NRXN1: variants seen among roughly 807,000 people sequenced by gnomAD.
The protein encoded by NRXN1 is neurexin 1.
Under a neutral mutation model 150.9 loss-of-function variants are expected in NRXN1, and 39 were observed. The ratio of observed to expected loss-of-function variants is 0.26; its 90% CI spans 0.20 to 0.34. The LOEUF is 0.34. Ranked by LOEUF, NRXN1 falls within the 10% of genes least tolerant of loss-of-function variation. The probability of loss-of-function intolerance (pLI) is 1.00; values close to 1 mark genes in which losing one functional copy is unlikely to be tolerated. For synonymous variants in NRXN1, 924 were observed against 757.0 expected (o/e 1.22, Z -3.62); for missense variants, 1,815 against 1,949.9 (o/e 0.93, Z 1.30).
chr2:50,829,166 C>G (rs546533374), intron 5 of NRXN1, among the ~76,000 whole-genome samples: 32 of 151,958 alleles, frequency 2.1e-4, no homozygotes, highest in Admixed American at 2.1e-3. Flanking sequence ...TGCAGTGAGC[C>G]GAGATGGCAG....
chr2:50,320,312 A>ATATATATATATATATATATGTG (rs1558519091), intron 17 of NRXN1, among the ~76,000 whole-genome samples: 2 of 125,372 alleles, frequency 1.6e-5, no homozygotes, highest in African/African-American at 6.3e-5. Context: ...ATATATATAT[A>ATATATATATATATATATATGTG]TATATATATA....
At chr2:50,445,201 A>G (rs1263650386) in intron 17 of NRXN1, among the ~76,000 whole-genome samples, 1 of 152,182 alleles carries the variant, frequency 6.6e-6, no homozygotes, top group African/African-American at 2.4e-5. Flanking sequence ...CATAACCAAA[A>G]CAACCACTGC....
intron 22 of NRXN1, among the ~76,000 whole-genome samples, chr2:49,937,789 C>T (rs1337615280): frequency 3.9e-5 from 6 of 152,114 alleles, no homozygotes; most frequent in African/African-American, 1.4e-4. Flanking sequence ...ATTAAAGTCA[C>T]TTTTGAATAA....
intron 17 of NRXN1, among the ~76,000 whole-genome samples, chr2:50,252,799 G>A (rs1279507835): frequency 6.6e-6 from 1 of 151,842 alleles, no homozygotes; most frequent in Non-Finnish European, 1.5e-5. Context: ...GTGCCATGCT[G>A]TTTGGTTACT....
At chr2:50,132,218 C>T (rs575308272) in intron 18 of NRXN1, among the ~76,000 whole-genome samples, 1 of 151,718 alleles carries the variant, frequency 6.6e-6, no homozygotes, top group East Asian at 1.9e-4. Context: ...AACTCTACTG[C>T]AAAGTAAAGT....
chr2:50,074,669 G>C (rs921793468), intron 19 of NRXN1, among the ~76,000 whole-genome samples: 2 of 152,140 alleles, frequency 1.3e-5, no homozygotes, highest in African/African-American at 2.4e-5. Context: ...TGATAATCTT[G>C]ACAAATTGGT....
At chr2:50,447,479 CAAAAAAAAAAAA>C (rs35878890) in intron 17 of NRXN1, among the ~76,000 whole-genome samples, 2 of 38,552 alleles carry the variant, frequency 5.2e-5, no homozygotes, top group Non-Finnish European at 9.1e-5. Context: ...GACTCTGTCT[CAAAAAAAAAAAA>C]AAAAAAAAAA....
intron 5 of NRXN1, among the ~76,000 whole-genome samples, chr2:50,780,537 T>A (rs1476967128): frequency 6.6e-6 from 1 of 152,198 alleles, no homozygotes; most frequent in Non-Finnish European, 1.5e-5. Context: ...TTATTTCAGC[T>A]CTGAATATTT....
chr2:50,305,710 C>G (rs1384294775), intron 17 of NRXN1, among the ~76,000 whole-genome samples: 1 of 152,128 alleles, frequency 6.6e-6, no homozygotes, highest in Non-Finnish European at 1.5e-5. Context: ...GCTTGATATT[C>G]TCATTAATAT....
At chr2:50,392,299 C>A (rs2081767815) in intron 17 of NRXN1, among the ~76,000 whole-genome samples, 2 of 152,212 alleles carry the variant, frequency 1.3e-5, no homozygotes, top group South Asian at 4.1e-4. Flanking sequence ...CCATAGCGAC[C>A]TCCTTTGTTA....
intron 5 of NRXN1, among the ~76,000 whole-genome samples, chr2:50,892,290 TA>T (rs1410057863): frequency 6.6e-6 from 1 of 152,098 alleles, no homozygotes; most frequent in East Asian, 1.9e-4. Flanking sequence ...AGAATGGAAA[TA>T]AAATACTGAG....
At chr2:50,521,263 T>C (rs929506461) in intron 12 of NRXN1, among the ~76,000 whole-genome samples, 4 of 152,170 alleles carry the variant, frequency 2.6e-5, no homozygotes, top group African/African-American at 4.8e-5. Flanking sequence ...AAAAAGGCAA[T>C]TGTCTTTGAA....
intron 5 of NRXN1, among the ~76,000 whole-genome samples, chr2:50,818,183 A>G (rs1423312377): frequency 1.4e-5 from 2 of 148,010 alleles, no homozygotes; most frequent in Non-Finnish European, 3.0e-5. Context: ...TCAACATACA[A>G]AAACAATTGT....
intron 2 of NRXN1, among the ~76,000 whole-genome samples, chr2:50,962,693 C>T (rs892518504): frequency 2.0e-5 from 3 of 151,392 alleles, no homozygotes; most frequent in Non-Finnish European, 3.0e-5. Context: ...CTATAAATTG[C>T]CTTTAGTTTT....
chr2:50,208,007 C>T lies in NRXN1; in HGVS notation c.3546+28782G>A, dbSNP rs1479531004. 3.3e-5 allele frequency among the ~76,000 whole-genome samples: 5 copies of T among 152,090 alleles called. 1 individual carries two copies. In the South Asian group the frequency reaches 1.0e-3, roughly 31 times the overall value. On this transcript the variant is annotated intron_variant, in intron 18 of 22. Transcript: ENST00000401669. ...TTGGGTGAAGAAGAGGAGAAAAAGG[C>T]AAACCTTCCCTTCCTGGACTTGGTG...
chr2:50,025,133 C>T (rs371620602), intron 21 of NRXN1, among the ~76,000 whole-genome samples: 1 of 151,986 alleles, frequency 6.6e-6, no homozygotes, highest in Non-Finnish European at 1.5e-5. Context: ...AATTGGGGGT[C>T]GGCAGTGAGT....
At chr2:50,361,489 A>G (rs2079185516) in intron 17 of NRXN1, among the ~76,000 whole-genome samples, 1 of 152,216 alleles carries the variant, frequency 6.6e-6, no homozygotes, top group South Asian at 2.1e-4. Flanking sequence ...AAACACCTCT[A>G]TGCAAATAAA....
rs1198960074 is a variant in NRXN1, at chr2:50,433,983, G to T, written c.3364+31459C>A. 3.4e-5 allele frequency among the ~76,000 whole-genome samples: 5 copies of T among 147,016 alleles called. No individual in the cohort carries two copies. The South Asian group carries it at 1.1e-3, about 32-fold the overall frequency. ...AATATTTATGTTTCACTTAGGTTCT[G>T]ACTTTCACATTAAACACTGCCACAC... On this transcript the variant is annotated intron_variant, in intron 17 of 22. Coordinates refer to ENST00000401669, the MANE Select transcript of NRXN1 (RefSeq NM_001330078.2).
chr2:50,127,501 G>A (rs1465882256), intron 18 of NRXN1, among the ~76,000 whole-genome samples: 4 of 151,882 alleles, frequency 2.6e-5, no homozygotes, highest in African/African-American at 4.8e-5. Flanking sequence ...CTTAGAGTTC[G>A]GTTTTCTGAA....
Sources: gnomAD v4.1 joint callset for allele counts (sites outside exome capture counted in the v4.1 genomes callset) on GRCh38, gnomAD v4.1.1 for gene constraint, MANE v1.5 for transcripts, NCBI Gene and HGNC (gene_info 2026-07-23, HGNC 2026-07-21) for gene names.